The following GPR158 variants were observed in gnomAD, a reference collection of about 807,000 sequenced individuals.
GPR158 encodes the protein metabotropic glycine receptor.
Under a neutral mutation model 78.2 loss-of-function variants are expected in GPR158, and 30 were observed. The observed-to-expected ratio is 0.38, with a 90% CI of 0.29 to 0.52. The LOEUF is 0.52. Ranked by LOEUF, GPR158 falls within the 20% of genes least tolerant of loss-of-function variation. The probability of loss-of-function intolerance (pLI) is 0.83; values close to 1 mark genes in which losing one functional copy is unlikely to be tolerated. For missense variants in GPR158, 1,463 were observed against 1,523.5 expected (o/e 0.96, Z 0.66); for synonymous variants, 581 against 591.1 (o/e 0.98, Z 0.25).
At chr10:25,538,954 T>A (rs1383875483) in intron 5 of GPR158, among the ~76,000 whole-genome samples, 1 of 152,198 alleles carries the variant, frequency 6.6e-6, no homozygotes, top group Non-Finnish European at 1.5e-5. Context: ...TGTATTAGAA[T>A]GGGCTGTTTC....
At chr10:25,540,957 T>A (rs28704585) in intron 5 of GPR158, among the ~76,000 whole-genome samples, 3 of 122,786 alleles carry the variant, frequency 2.4e-5, no homozygotes, top group Admixed American at 7.8e-5. Context: ...TATATATATA[T>A]ATATATATAT....
At chr10:25,230,786 T>C (rs1018510639) in intron 2 of GPR158, among the ~76,000 whole-genome samples, 7 of 152,204 alleles carry the variant, frequency 4.6e-5, no homozygotes, top group African/African-American at 1.7e-4. Flanking sequence ...AAATAGTAGA[T>C]TATAAATTTG....
At chr10:25,348,894 T>C (rs920136584) in intron 2 of GPR158, among the ~76,000 whole-genome samples, 1 of 152,034 alleles carries the variant, frequency 6.6e-6, no homozygotes, top group African/African-American at 2.4e-5. Flanking sequence ...AGTGTTCAGT[T>C]CTACTTTGGA....
At chr10:25,367,301 T>C (rs1182475992) in intron 2 of GPR158, among the ~76,000 whole-genome samples, 4 of 151,638 alleles carry the variant, frequency 2.6e-5, no homozygotes, top group Non-Finnish European at 4.4e-5. Context: ...CTTGGGTACA[T>C]GGATTTTTTT....
intron 5 of GPR158, among the ~76,000 whole-genome samples, chr10:25,471,675 C>G (rs1204300408): frequency 6.6e-6 from 1 of 152,124 alleles, no homozygotes; most frequent in Non-Finnish European, 1.5e-5. Flanking sequence ...GAGATGGTAT[C>G]TCATTGTGGT....
At chr10:25,435,328 T>C (rs1834984153) in intron 4 of GPR158, among the ~76,000 whole-genome samples, 1 of 152,092 alleles carries the variant, frequency 6.6e-6, no homozygotes, top group African/African-American at 2.4e-5. Flanking sequence ...GTTGGAGAGA[T>C]AATGGGTTGG....
chr10:25,490,377 G>A (rs1437044828), intron 5 of GPR158, among the ~76,000 whole-genome samples: 1 of 144,342 alleles, frequency 6.9e-6, no homozygotes, highest in Non-Finnish European at 1.5e-5. Context: ...GTGCCATGCT[G>A]GTGCGCTGCA....
chr10:25,427,038 A>G (rs1401606513), intron 4 of GPR158, among the ~76,000 whole-genome samples: 1 of 152,070 alleles, frequency 6.6e-6, no homozygotes, highest in African/African-American at 2.4e-5. Flanking sequence ...TTCAAAAATT[A>G]TGGAATTTTT....
intron 4 of GPR158, chr10:25,466,361 A>G (rs1390304230): frequency 3.6e-6 from 1 of 277,784 alleles, no homozygotes; most frequent in Non-Finnish European, 6.7e-6. Flanking sequence ...TCTCAAAAGT[A>G]TCTTCAAGAT....
intron 2 of GPR158, among the ~76,000 whole-genome samples, chr10:25,353,274 C>A (rs1196866454): frequency 6.6e-6 from 1 of 151,880 alleles, no homozygotes; most frequent in Non-Finnish European, 1.5e-5. Flanking sequence ...TTAAAAAGTC[C>A]TTTACAATGA....
At chr10:25,221,617 G>T (rs1464990024) in intron 2 of GPR158, among the ~76,000 whole-genome samples, 3 of 152,134 alleles carry the variant, frequency 2.0e-5, no homozygotes, top group Non-Finnish European at 4.4e-5. Context: ...ACTGTACAGG[G>T]TCCTGGAAAG....
chr10:25,378,783 C>CTTTATT (rs1237543688), intron 2 of GPR158, among the ~76,000 whole-genome samples: 2 of 151,936 alleles, frequency 1.3e-5, no homozygotes, highest in Non-Finnish European at 2.9e-5. Flanking sequence ...TCCCACCTGC[C>CTTTATT]TTTATTTTTA....
At chr10:25,219,655 T>A (rs1853270660) in intron 1 of GPR158, among the ~76,000 whole-genome samples, 1 of 152,154 alleles carries the variant, frequency 6.6e-6, no homozygotes, top group Non-Finnish European at 1.5e-5. Context: ...CACTAGGTAA[T>A]GTAGTACTTT....
intron 6 of GPR158, among the ~76,000 whole-genome samples, chr10:25,553,640 C>T (rs942716415): frequency 1.3e-5 from 2 of 152,100 alleles, no homozygotes; most frequent in Non-Finnish European, 2.9e-5. Context: ...TATTGAGATA[C>T]TTGTTGAATG....
At chr10:25,565,475 T>C (rs1836917354) in intron 6 of GPR158, among the ~76,000 whole-genome samples, 1 of 151,898 alleles carries the variant, frequency 6.6e-6, no homozygotes, top group Non-Finnish European at 1.5e-5. Flanking sequence ...TATAGGAAAG[T>C]AGAGGGATTG....
At chr10:25,438,305 G>T (rs1463108216) in intron 4 of GPR158, among the ~76,000 whole-genome samples, 2 of 152,166 alleles carry the variant, frequency 1.3e-5, no homozygotes, top group East Asian at 1.9e-4. Context: ...GCCCAGATCG[G>T]GTTGGTTTCT....
At chr10:25,517,417 GA>G (rs1836194029) in intron 5 of GPR158, among the ~76,000 whole-genome samples, 1 of 152,018 alleles carries the variant, frequency 6.6e-6, no homozygotes, top group Non-Finnish European at 1.5e-5. Context: ...TGTTGAATAG[GA>G]GTGGTGAGAG....
At chr10:25,389,254 C>G (rs182487168) in intron 2 of GPR158, among the ~76,000 whole-genome samples, 183 of 152,276 alleles carry the variant, frequency 1.2e-3, no homozygotes, top group African/African-American at 4.2e-3. Context: ...CCATAAAAGC[C>G]CTGCACTCAG....
intron 4 of GPR158, among the ~76,000 whole-genome samples, chr10:25,455,297 A>G (rs1332887619): frequency 1.3e-5 from 2 of 152,212 alleles, no homozygotes; most frequent in Non-Finnish European, 2.9e-5. Flanking sequence ...GAAAGTTTCA[A>G]AAAGCTTGTT....
Sources: gnomAD v4.1 joint callset for allele counts (sites outside exome capture counted in the v4.1 genomes callset) on GRCh38, gnomAD v4.1.1 for gene constraint, MANE v1.5 for transcripts, NCBI Gene and HGNC (gene_info 2026-07-23, HGNC 2026-07-21) for gene names.